SKI: variants seen among roughly 807,000 people sequenced by gnomAD.
SKI encodes ski oncogene.
Under a neutral mutation model 59.3 loss-of-function variants are expected in SKI, and 23 were observed. That is an observed-to-expected ratio of 0.39 (90% CI 0.28 to 0.55). SKI has a LOEUF of 0.55. Among genes scored for constraint, SKI ranks in the 20% least tolerant of loss-of-function variants. SKI has a pLI of 0.67. For synonymous variants in SKI, 673 were observed against 488.6 expected (o/e 1.38, Z -4.98); for missense variants, 1,017 against 1,038.9 (o/e 0.98, Z 0.29).
Position 2,228,884 on chromosome 1 carries a change from G to T in SKI, c.118G>T (p.Ala40Ser). 7.0e-7 allele frequency: 1 copy of T among 1,426,820 alleles called. No individual in the cohort carries two copies. The highest frequency in any genetic ancestry group is 3.2e-5 in the East Asian group (1 of 31,252). The allele number at this position is 1,426,820 out of a possible 1,614,324, so 88.4% of individuals were successfully genotyped here. A position where few individuals can be genotyped will look rare whatever the true frequency, so the allele number is the denominator to read the frequency against. The change falls in exon 1 of 7, where the codon GCG becomes TCG. Residue 40 changes from alanine to serine, a missense_variant. By Grantham distance (99) the Ala-to-Ser change is moderately conservative. Transcript: ENST00000378536. ...SSLGGPAAFS[A>S]RWAQEAYKKE... ...GCTGGGCGGCCCGGCCGCTTTCTCG[G>T]CGCGCTGGGCGCAGGAGGCCTACAA...
intron 1 of SKI, among the ~76,000 whole-genome samples, chr1:2,266,206 C>G (rs1391646109): frequency 6.6e-6 from 1 of 152,140 alleles, no homozygotes; most frequent in Non-Finnish European, 1.5e-5. Context: ...GAGACAGGCT[C>G]TCTGCCTAGC....
In SKI at chr1:2,267,290, G is replaced by A. The variant is rs1426547823; in HGVS notation, c.970-35688G>A. Reference sequence around the variant, plus strand: ...CCGTCAGGAAAGGGGGGACTAGCACGTACCACTCAGAATTCAGCTTGCGCG... The same window carrying A: ...CCGTCAGGAAAGGGGGGACTAGCACATACCACTCAGAATTCAGCTTGCGCG... On this transcript the variant is annotated intron_variant, in intron 1 of 6. Transcript: ENST00000378536. This position sits in a 1 kb window ranked among gnomAD's most constrained non-coding sequence, Gnocchi z 4.1. 3.9e-5 allele frequency among the ~76,000 whole-genome samples: 6 copies of A among 152,320 alleles called. No homozygotes were observed. The highest frequency in any genetic ancestry group is 1.4e-4 in the African/African-American group (6 of 41,556).
chr1:2,234,012 C>T (rs1638699290), intron 1 of SKI, among the ~76,000 whole-genome samples: 1 of 152,172 alleles, frequency 6.6e-6, no homozygotes, highest in African/African-American at 2.4e-5. Context: ...TGTTTTTCTC[C>T]AGCTTTTCGT....
intron 1 of SKI, among the ~76,000 whole-genome samples, chr1:2,297,192 G>A (rs913598379): frequency 6.6e-6 from 1 of 152,048 alleles, no homozygotes; most frequent in African/African-American, 2.4e-5. Flanking sequence ...CTGCAGCCTC[G>A]ACCTTTTGAG....
intron 1 of SKI, among the ~76,000 whole-genome samples, chr1:2,295,565 C>T (rs1234609944): frequency 6.6e-6 from 1 of 152,344 alleles, no homozygotes; most frequent in Non-Finnish European, 1.5e-5. Context: ...TCCCAGCCAG[C>T]ACTGATCTTG....
chr1:2,273,630 G>C (rs1355568679), intron 1 of SKI, among the ~76,000 whole-genome samples: 1 of 152,162 alleles, frequency 6.6e-6, no homozygotes, highest in Non-Finnish European at 1.5e-5. Context: ...CTGGTGGGGG[G>C]TAAGAACATC....
intron 1 of SKI, among the ~76,000 whole-genome samples, chr1:2,257,367 G>A (rs557925919): frequency 1.4e-4 from 21 of 152,390 alleles, no homozygotes; most frequent in African/African-American, 4.8e-4. Flanking sequence ...CTGGGAGCCC[G>A]CGGATGGCTC....
Position 2,228,787 on chromosome 1 carries a change from C to G in SKI, c.21C>G (p.Gly7=). The change falls in exon 1 of 7, where the codon GGC becomes GGG. Residue 7 remains glycine, a synonymous_variant. Coordinates refer to ENST00000378536, the MANE Select transcript of SKI (RefSeq NM_003036.4). ...GCACCATGGAGGCGGCGGCAGGCGG[C>G]CGCGGCTGTTTCCAGCCGCACCCGG... MEAAAG[G]RGCFQPHPGL... 1 of 1,310,022 alleles carries G rather than the reference C, an allele frequency of 7.6e-7. No individual in the cohort carries two copies. The highest frequency in any genetic ancestry group is 9.8e-7 in the Non-Finnish European group (1 of 1,016,072). The allele number at this position is 1,310,022 out of a possible 1,614,324, so 81.1% of individuals were successfully genotyped here.
intron 1 of SKI, among the ~76,000 whole-genome samples, chr1:2,271,533 G>GGCT: frequency 6.6e-6 from 1 of 152,250 alleles, no homozygotes; most frequent in African/African-American, 2.4e-5. Context: ...CGGAGTGCCC[G>GGCT]GCTGCCCTCG....
At chr1:2,295,701 T>A (rs564531289) in intron 1 of SKI, among the ~76,000 whole-genome samples, 55 of 151,886 alleles carry the variant, frequency 3.6e-4, no homozygotes, top group African/African-American at 1.2e-3. Flanking sequence ...TGACTGTGTG[T>A]CCGGGCCACG....
At chr1:2,300,637 G>A (rs949645480) in intron 1 of SKI, among the ~76,000 whole-genome samples, 2 of 152,228 alleles carry the variant, frequency 1.3e-5, no homozygotes, top group Non-Finnish European at 2.9e-5. Flanking sequence ...CCACAGGGGC[G>A]CAGACACCTT....
At position 2,270,986 on chromosome 1, in the gene SKI, C is replaced by G. The variant is rs963710304; in HGVS notation, c.970-31992C>G. On this transcript the variant is annotated intron_variant, in intron 1 of 6. Transcript: ENST00000378536. This position sits in a 1 kb window ranked among gnomAD's most constrained non-coding sequence, Gnocchi z 4.1. ...ATGGCCGCAAGTGCCTGGCCTCAGG[C>G]CTGGGCTGTGGGGATGACTGAGGCC... Among the ~76,000 whole-genome samples the G allele has an allele frequency of 6.6e-6, 1 of 152,216 alleles. No individual in the cohort carries two copies. The highest frequency in any genetic ancestry group is 1.5e-5 in the Non-Finnish European group (1 of 68,012).
intron 1 of SKI, among the ~76,000 whole-genome samples, chr1:2,295,783 C>T (rs752236980): frequency 1.3e-5 from 2 of 152,202 alleles, no homozygotes; most frequent in African/African-American, 2.4e-5. Context: ...AGGCTCCTTC[C>T]TTCCTTTTCA....
At position 2,306,707 on chromosome 1, in the gene SKI, G is replaced by A; in HGVS notation, c.2129G>A (p.Trp710Ter). ...KVVKELQEQL[W>*]PRARPEAAGS... ...GTGAAGGAGCTGCAGGAACAGCTGT[G>A]GCCGCGGGCCCGCCCCGAGGCTGCG... The change falls in exon 7 of 7, where the codon TGG (tryptophan) becomes TAG (stop). Residue 710 changes from tryptophan to a stop codon, truncating the protein, a stop_gained. Coordinates refer to ENST00000378536, the MANE Select transcript of SKI (RefSeq NM_003036.4). LOFTEE classifies it high-confidence loss of function. The A allele has an allele frequency of 6.5e-7, 1 of 1,540,504 alleles. No individual in the cohort carries two copies. Among genetic ancestry groups the A allele is most frequent in the Non-Finnish European group, 8.7e-7 (1 of 1,143,924 alleles).
At chr1:2,230,975 ATG>A (rs1013056924) in intron 1 of SKI, among the ~76,000 whole-genome samples, 97 of 152,072 alleles carry the variant, frequency 6.4e-4, no homozygotes, top group African/African-American at 2.2e-3. Flanking sequence ...GTGTGTGTGC[ATG>A]TGTGTGTTTG....
chr1:2,229,731 C>T lies in SKI; in HGVS notation c.965C>T (p.Pro322Leu). 1 of 1,559,178 alleles carries T rather than the reference C, an allele frequency of 6.4e-7. No individual in the cohort carries two copies. The highest frequency in any genetic ancestry group is 8.7e-7 in the Non-Finnish European group (1 of 1,152,210). ...DYGNKYKRRV[P>L]RVSSEPPASI... is the part of the protein sequence containing the mutation. ...GGCAACAAGTACAAGCGGCGGGTGC[C>T]CCGGGTGAGTGGCCCCAGGCCTGGG... The change falls in exon 1 of 7, where the codon CCC becomes CTC. Residue 322 changes from proline to leucine, a missense_variant. By Grantham distance (98) the Pro-to-Leu change is moderately conservative. Transcript: ENST00000378536. This position sits in a 1 kb window ranked among gnomAD's most constrained non-coding sequence, Gnocchi z 6.3.
At chr1:2,243,053 G>A (rs1168225914) in intron 1 of SKI, among the ~76,000 whole-genome samples, 4 of 152,250 alleles carry the variant, frequency 2.6e-5, no homozygotes, top group African/African-American at 4.8e-5. Context: ...GCGTGTGAAC[G>A]CGGTTCCCCA....
chr1:2,295,186 C>T (rs548530748), intron 1 of SKI, among the ~76,000 whole-genome samples: 15 of 152,292 alleles, frequency 9.8e-5, no homozygotes, highest in African/African-American at 3.1e-4. Flanking sequence ...TGTGTGTCCA[C>T]GCAGGTGTGC....
intron 1 of SKI, among the ~76,000 whole-genome samples, chr1:2,295,602 T>C (rs1640264853): frequency 6.6e-6 from 1 of 152,118 alleles, no homozygotes; most frequent in South Asian, 2.1e-4. Flanking sequence ...GGTCATTCCA[T>C]AGAAGTAGAG....
Sources: gnomAD v4.1 joint callset for allele counts (sites outside exome capture counted in the v4.1 genomes callset) on GRCh38, gnomAD v4.1.1 for gene constraint, Gnocchi (gnomAD v3.1) non-coding constraint, MANE v1.5 for transcripts, NCBI Gene and HGNC (gene_info 2026-07-23, HGNC 2026-07-21) for gene names.